Variants in PACSIN1 observed in about 807,000 individuals in gnomAD.
PACSIN1 encodes the protein protein kinase C and casein kinase substrate in neurons protein 1.
In PACSIN1, 15 loss-of-function variants were observed where a neutral mutation model predicts 59.5. The ratio of observed to expected loss-of-function variants is 0.25; its 90% CI spans 0.17 to 0.39. The LOEUF is 0.39. PACSIN1 is among the 10% of genes least tolerant of loss of function. The probability of loss-of-function intolerance (pLI) is 1.00; values close to 1 mark genes in which losing one functional copy is unlikely to be tolerated. For missense variants in PACSIN1, 420 were observed against 580.2 expected (o/e 0.72, Z 2.84); for synonymous variants, 210 against 220.6 (o/e 0.95, Z 0.42).
At chr6:34,522,097 G>A (rs1230244166) in intron 1 of PACSIN1, among the ~76,000 whole-genome samples, 2 of 152,188 alleles carry the variant, frequency 1.3e-5, no homozygotes, top group African/African-American at 4.8e-5. Flanking sequence ...GAGAATGAAC[G>A]AGGTGCTGGG....
In PACSIN1 at chr6:34,531,424, G is replaced by C. The variant is rs1561972527; in HGVS notation, c.1038-176G>C. 6.6e-6 allele frequency among the ~76,000 whole-genome samples: 1 copy of C among 152,148 alleles called. No homozygotes were observed. The highest frequency in any genetic ancestry group is 2.4e-5 in the African/African-American group (1 of 41,416). On this transcript the variant is annotated intron_variant, in intron 8 of 9. Transcript: ENST00000244458. The surrounding 1 kb of genome is among the most constrained non-coding windows in gnomAD (Gnocchi z 4.4). ...TCGAGGGCTGAATAATAACGCAAAT[G>C]GTCCTGCATTTAAACATCGGTTTAA...
chr6:34,528,066 G>A (rs1250339588), intron 3 of PACSIN1, among the ~76,000 whole-genome samples: 2 of 152,240 alleles, frequency 1.3e-5, no homozygotes, highest in Non-Finnish European at 2.9e-5. Context: ...ATCTAGAACA[G>A]TTTGAAGTTG....
intron 1 of PACSIN1, among the ~76,000 whole-genome samples, chr6:34,470,342 G>A (rs1214443482): frequency 8.6e-5 from 13 of 151,488 alleles, no homozygotes; most frequent in Admixed American, 3.9e-4. Context: ...CACCACGCCC[G>A]GCTAATTTTT....
At chr6:34,478,138 C>T (rs1398140118) in intron 1 of PACSIN1, among the ~76,000 whole-genome samples, 1 of 150,826 alleles carries the variant, frequency 6.6e-6, no homozygotes, top group Non-Finnish European at 1.5e-5. Flanking sequence ...CGGCTTACTG[C>T]AACCTCCGGC....
Position 34,528,897 on chromosome 6 carries a change from ACGGGC to A in PACSIN1, c.456+21_456+25del. The A allele has an allele frequency of 8.6e-6, 4 of 465,276 alleles. No homozygotes were observed. Among genetic ancestry groups the A allele is most frequent in the Non-Finnish European group, 1.2e-5 (3 of 251,080 alleles). The allele number at this position is 465,276 out of a possible 1,614,324, so 28.8% of individuals were successfully genotyped here. On this transcript the variant is annotated intron_variant, in intron 4 of 9. Coordinates refer to ENST00000244458, the MANE Select transcript of PACSIN1 (RefSeq NM_020804.5). Reference sequence around the variant, plus strand: ...AAGGAGGTGCTCAGTGGGTGCTGCCACGGGCGGGGTGGGGTGGGCCCGTCTGATCA... The same window carrying A: ...AAGGAGGTGCTCAGTGGGTGCTGCCAGGGGTGGGGTGGGCCCGTCTGATCA...
chr6:34,511,148 A>G (rs1000794634), intron 1 of PACSIN1, among the ~76,000 whole-genome samples: 6 of 152,266 alleles, frequency 3.9e-5, no homozygotes, highest in Non-Finnish European at 7.3e-5. Flanking sequence ...AGTGCTGCAC[A>G]TAGTTGCAGT....
chr6:34,532,307 C>A lies in PACSIN1; in HGVS notation c.1226-114C>A, dbSNP rs970281852. ...GTTTCCAGGGGCGGGGCCTAAGAAT[C>A]TAAAACCCAGTGCAGTAATCAGGAG... On this transcript the variant is annotated intron_variant, in intron 9 of 9. Coordinates refer to ENST00000244458, the MANE Select transcript of PACSIN1 (RefSeq NM_020804.5). This position sits in a 1 kb window ranked among gnomAD's most constrained non-coding sequence, Gnocchi z 5.2. 9 of 705,428 alleles carry A rather than the reference C, an allele frequency of 1.3e-5. No individual in the cohort carries two copies. Among genetic ancestry groups the A allele is most frequent in the Non-Finnish European group, 2.2e-5 (9 of 409,584 alleles). 43.7% of individuals were successfully genotyped at this position (705,428 alleles called of 1,614,324 possible). A position where few individuals can be genotyped will look rare whatever the true frequency, so the allele number is the denominator to read the frequency against.
Position 34,521,210 on chromosome 6 carries a change from G to A in PACSIN1, c.-63-5033G>A, listed in dbSNP as rs991770764. Among the ~76,000 whole-genome samples the A allele has an allele frequency of 2.0e-5, 3 of 152,146 alleles. No individual in the cohort carries two copies. The highest frequency in any genetic ancestry group is 6.5e-5 in the Admixed American group (1 of 15,276). On this transcript the variant is annotated intron_variant, in intron 1 of 9. Transcript: ENST00000244458. This position sits in a 1 kb window ranked among gnomAD's most constrained non-coding sequence, Gnocchi z 4.3. ...TGTGGATGCCGTGTCCGGTGGTGAC[G>A]AGGGCTGTGAAGAATAATACGGAGA... is the stretch of plus-strand genomic sequence containing the variant.
Position 34,531,810 on chromosome 6 carries a change from T to C in PACSIN1, c.1225+23T>C, listed in dbSNP as rs1337748035. The stretch of plus-strand genomic sequence containing the variant: ...CCGGTAGGACGGCTGGGCGGGGCAG[T>C]GCCTGAGAGAGGCTTGGGCCTGGAT... On this transcript the variant is annotated intron_variant, in intron 9 of 9. Coordinates refer to ENST00000244458, the MANE Select transcript of PACSIN1 (RefSeq NM_020804.5). This position sits in a 1 kb window ranked among gnomAD's most constrained non-coding sequence, Gnocchi z 4.4. The C allele has an allele frequency of 1.9e-5, 29 of 1,538,632 alleles. No individual in the cohort carries two copies. Among genetic ancestry groups the C allele is most frequent in the Non-Finnish European group, 1.8e-6 (2 of 1,142,200 alleles).
At chr6:34,523,009 C>T (rs940353101) in intron 1 of PACSIN1, among the ~76,000 whole-genome samples, 17 of 152,362 alleles carry the variant, frequency 1.1e-4, no homozygotes, top group African/African-American at 3.8e-4. Context: ...TCCCGAAACA[C>T]CCTCACAGGC....
At chr6:34,472,696 T>C (rs1382805390) in intron 1 of PACSIN1, among the ~76,000 whole-genome samples, 4 of 152,194 alleles carry the variant, frequency 2.6e-5, no homozygotes, top group South Asian at 4.2e-4. Flanking sequence ...GGGCTTATAT[T>C]CCCTCTCCCT....
rs577449665 is a variant in PACSIN1 at position 34,514,634 on chromosome 6, C to T, written c.-63-11609C>T. On this transcript the variant is annotated intron_variant, in intron 1 of 9. Coordinates refer to ENST00000244458, the MANE Select transcript of PACSIN1 (RefSeq NM_020804.5). The surrounding 1 kb of genome is among the most constrained non-coding windows in gnomAD (Gnocchi z 4.4). The stretch of plus-strand genomic sequence containing the variant: ...GGGCTTCCCAGTCGAGGGCGGCGGC[C>T]GAGCCTGTGTCCCCACCAGCGTCTC... Among the ~76,000 whole-genome samples, 1 of 151,854 alleles carries T rather than the reference C, an allele frequency of 6.6e-6. No homozygotes were observed. Among genetic ancestry groups the T allele is most frequent in the Admixed American group, 6.6e-5 (1 of 15,236 alleles).
At position 34,475,199 on chromosome 6, in the gene PACSIN1, G is replaced by A. The variant is rs746563914; in HGVS notation, c.-64+8929G>A. ...CCATGAAGGCAGGGTTTGGGTGGGG[G>A]CAGAGCAGCATGACTGGGCTTCCCC... is the stretch of plus-strand genomic sequence containing the variant. On this transcript the variant is annotated intron_variant, in intron 1 of 9. Coordinates refer to ENST00000244458, the MANE Select transcript of PACSIN1 (RefSeq NM_020804.5). Among the ~76,000 whole-genome samples the A allele has an allele frequency of 7.8e-4, 118 of 152,126 alleles. 3 individuals carry two copies. The highest frequency in any genetic ancestry group is 3.1e-4 in the Non-Finnish European group (21 of 68,024).
At position 34,530,115 on chromosome 6, in the gene PACSIN1, A is replaced by T; in HGVS notation, c.789-128A>T. Reference sequence around the variant, plus strand: ...CCCGGAGCTTATTCTTGCAAAGCCCACATGATTCCTGGCTGGGCAGCATGC... The same window carrying T: ...CCCGGAGCTTATTCTTGCAAAGCCCTCATGATTCCTGGCTGGGCAGCATGC... On this transcript the variant is annotated intron_variant, in intron 6 of 9. Coordinates refer to ENST00000244458, the MANE Select transcript of PACSIN1 (RefSeq NM_020804.5). The surrounding 1 kb of genome is among the most constrained non-coding windows in gnomAD (Gnocchi z 4.4). 7.7e-7 allele frequency: 1 copy of T among 1,306,754 alleles called. No individual in the cohort carries two copies. Among genetic ancestry groups the T allele is most frequent in the Non-Finnish European group, 1.0e-6 (1 of 966,218 alleles). The allele number at this position is 1,306,754 out of a possible 1,614,324, so 80.9% of individuals were successfully genotyped here.
chr6:34,504,288 ATATTT>A (rs1486644368), intron 1 of PACSIN1, among the ~76,000 whole-genome samples: 28,453 of 98,520 alleles, frequency 0.29, 3,787 homozygotes, highest in South Asian at 0.38. Context: ...ATATATATAT[ATATTT>A]TTTTTTTTTT....
intron 1 of PACSIN1, among the ~76,000 whole-genome samples, chr6:34,474,750 AC>A (rs1766614400): frequency 7.4e-6 from 1 of 134,460 alleles, no homozygotes; most frequent in Non-Finnish European, 1.5e-5. Flanking sequence ...AGATCATACC[AC>A]TGCATCCAGC....
At chr6:34,528,543 G>C in intron 3 of PACSIN1, 99 bp from the exon 4 acceptor site, 1 of 879,832 alleles carries the variant, frequency 1.1e-6, no homozygotes, top group African/African-American at 1.6e-5. Flanking sequence ...CATTTCTGTT[G>C]CTATGAGAGG....
rs368391851 is a variant in PACSIN1, at chr6:34,489,298, A to T, written c.-64+23028A>T. Among the ~76,000 whole-genome samples, 9 of 152,300 alleles carry T rather than the reference A, an allele frequency of 5.9e-5. No homozygotes were observed. The South Asian group carries it at 8.3e-4, about 14-fold the overall frequency. ...GACCTCACATATTTTTATGGTGAGA[A>T]TACTTAAAATCTATTCTTGTAGCAA... On this transcript the variant is annotated intron_variant, in intron 1 of 9. Coordinates refer to ENST00000244458, the MANE Select transcript of PACSIN1 (RefSeq NM_020804.5).
intron 1 of PACSIN1, among the ~76,000 whole-genome samples, chr6:34,487,827 C>T (rs1766818266): frequency 6.6e-6 from 1 of 152,212 alleles, no homozygotes; most frequent in Non-Finnish European, 1.5e-5. Flanking sequence ...AGGCAACACT[C>T]CCAACAGCTG....
Sources: gnomAD v4.1 joint callset for allele counts (sites outside exome capture counted in the v4.1 genomes callset) on GRCh38, gnomAD v4.1.1 for gene constraint, Gnocchi (gnomAD v3.1) non-coding constraint, MANE v1.5 for transcripts, NCBI Gene and HGNC (gene_info 2026-07-23, HGNC 2026-07-21) for gene names.